Variants in CTNNA3 observed in about 807,000 individuals in gnomAD.
CTNNA3 encodes the protein catenin alpha-3.
In CTNNA3, 76 loss-of-function variants were observed where a neutral mutation model predicts 95.7. The observed-to-expected ratio is 0.79, with a 90% CI of 0.66 to 0.96. CTNNA3 has a LOEUF of 0.96. Among genes scored for constraint, CTNNA3 ranks in the 40% least tolerant of loss-of-function variants. The pLI is 0.00. For synonymous variants in CTNNA3, 431 were observed against 374.4 expected (o/e 1.15, Z -1.74); for missense variants, 1,191 against 1,089.8 (o/e 1.09, Z -1.31).
intron 9 of CTNNA3, among the ~76,000 whole-genome samples, chr10:66,698,969 G>A (rs1170275216): frequency 6.6e-6 from 1 of 152,152 alleles, no homozygotes; most frequent in Non-Finnish European, 1.5e-5. Context: ...CAAATAAAAA[G>A]TAACAAGACT....
chr10:67,043,918 A>C lies in CTNNA3; in HGVS notation c.1047+136399T>G, dbSNP rs911460113. On this transcript the variant is annotated intron_variant, in intron 7 of 17. Transcript: ENST00000433211. ...AATTGGAGAATTTTAATGCAAAAATAATCTCTTTAAAAAAACTTTCAAAAA... is the reference window on the plus strand; with the variant it reads ...AATTGGAGAATTTTAATGCAAAAATCATCTCTTTAAAAAAACTTTCAAAAA... Among the ~76,000 whole-genome samples, 13 of 151,732 alleles carry C rather than the reference A, an allele frequency of 8.6e-5. 1 individual carries two copies. Among genetic ancestry groups the C allele is most frequent in the Admixed American group, 3.3e-4 (5 of 15,176 alleles).
chr10:67,731,630 G>A lies in CTNNA3; in HGVS notation c.-2+31804C>T, dbSNP rs1210074481. ...ATCCTGGCTAACACGGTGAAACCCC[G>A]TCTCTACTAAAAATACAAAAAGTTA... On this transcript the variant is annotated intron_variant, in intron 1 of 17. Transcript: ENST00000684154. Among the ~76,000 whole-genome samples the A allele has an allele frequency of 3.3e-5, 5 of 151,726 alleles. No homozygotes were observed. In the East Asian group the frequency reaches 7.9e-4, roughly 24 times the overall value.
intron 7 of CTNNA3, among the ~76,000 whole-genome samples, chr10:66,943,071 T>C (rs1249300374): frequency 6.6e-6 from 1 of 152,180 alleles, no homozygotes; most frequent in Non-Finnish European, 1.5e-5. Flanking sequence ...ACTGAGTTAA[T>C]TGACTGGCTT....
At chr10:66,445,211 A>G (rs2093410125) in intron 11 of CTNNA3, among the ~76,000 whole-genome samples, 1 of 151,962 alleles carries the variant, frequency 6.6e-6, no homozygotes, top group South Asian at 2.1e-4. Context: ...AGACTCCCAC[A>G]CAATAATAAT....
At chr10:67,705,094 G>T (rs1391458717) in intron 1 of CTNNA3, among the ~76,000 whole-genome samples, 3 of 152,148 alleles carry the variant, frequency 2.0e-5, no homozygotes, top group Non-Finnish European at 4.4e-5. Flanking sequence ...TCTCACACCA[G>T]TTAGAATGGT....
At chr10:67,267,204 C>T (rs1012407690) in intron 5 of CTNNA3, among the ~76,000 whole-genome samples, 2 of 152,072 alleles carry the variant, frequency 1.3e-5, no homozygotes, top group Non-Finnish European at 2.9e-5. Context: ...CAAACTGTAG[C>T]CATTTTACAC....
At chr10:65,990,359 G>T (rs1476884636) in intron 15 of CTNNA3, among the ~76,000 whole-genome samples, 1 of 149,176 alleles carries the variant, frequency 6.7e-6, no homozygotes, top group East Asian at 2.0e-4. Flanking sequence ...GTGTATAAGA[G>T]TTCCCTTTTC....
chr10:67,340,197 A>G (rs1271983280), intron 5 of CTNNA3, among the ~76,000 whole-genome samples: 2 of 152,166 alleles, frequency 1.3e-5, no homozygotes, highest in African/African-American at 4.8e-5. Flanking sequence ...AGGAGGAGGG[A>G]TTTATAAGTT....
At chr10:66,554,027 CCA>C (rs1842316241) in intron 10 of CTNNA3, among the ~76,000 whole-genome samples, 2 of 151,740 alleles carry the variant, frequency 1.3e-5, no homozygotes, top group Non-Finnish European at 2.9e-5. Context: ...CATTTTTTTC[CCA>C]CACAGAGTCA....
chr10:66,817,398 A>G (rs1028449785), intron 7 of CTNNA3, among the ~76,000 whole-genome samples: 1 of 152,062 alleles, frequency 6.6e-6, no homozygotes, highest in Non-Finnish European at 1.5e-5. Flanking sequence ...AAAAGATAAC[A>G]AAATTGACAA....
At chr10:67,174,490 A>G (rs1329082526) in intron 7 of CTNNA3, among the ~76,000 whole-genome samples, 2 of 152,220 alleles carry the variant, frequency 1.3e-5, no homozygotes, top group Admixed American at 1.3e-4. Context: ...ACAGTCATCT[A>G]TGGAATTAAG....
chr10:66,335,386 G>A (rs969518822), intron 12 of CTNNA3, among the ~76,000 whole-genome samples: 3 of 151,956 alleles, frequency 2.0e-5, no homozygotes, highest in Non-Finnish European at 4.4e-5. Context: ...CTTTGATGAT[G>A]GTGACGTACA....
At chr10:67,139,827 G>T (rs1287848987) in intron 7 of CTNNA3, among the ~76,000 whole-genome samples, 2 of 152,124 alleles carry the variant, frequency 1.3e-5, no homozygotes, top group Non-Finnish European at 2.9e-5. Flanking sequence ...TATCATTATG[G>T]TACAGAATTT....
intron 15 of CTNNA3, among the ~76,000 whole-genome samples, chr10:66,044,420 T>C (rs887922553): frequency 2.0e-5 from 3 of 149,160 alleles, no homozygotes; most frequent in Non-Finnish European, 4.5e-5. Context: ...TTGTTTATCT[T>C]GATTTTTTTT....
At chr10:66,107,740 C>A (rs117946280) in intron 13 of CTNNA3, among the ~76,000 whole-genome samples, 1 of 151,304 alleles carries the variant, frequency 6.6e-6, no homozygotes, top group Non-Finnish European at 1.5e-5. Context: ...AATTCACTTG[C>A]GCAGACTTTA....
chr10:66,373,256 C>A (rs116354647), intron 12 of CTNNA3, among the ~76,000 whole-genome samples: 1,591 of 152,146 alleles, frequency 0.01, 17 homozygotes, highest in African/African-American at 0.034. Context: ...CTTAAAATGG[C>A]AAGATAAGAA....
At chr10:66,618,249 C>A (rs1386503092) in intron 10 of CTNNA3, among the ~76,000 whole-genome samples, 1 of 151,752 alleles carries the variant, frequency 6.6e-6, no homozygotes, top group East Asian at 1.9e-4. Context: ...GCCCGCATCG[C>A]CAAGTCAATC....
intron 13 of CTNNA3, among the ~76,000 whole-genome samples, chr10:66,259,628 C>G (rs1191949144): frequency 1.3e-5 from 2 of 152,126 alleles, no homozygotes; most frequent in Non-Finnish European, 1.5e-5. Context: ...ACCCTAGATA[C>G]CTAGCTCCAG....
At chr10:66,980,569 C>T (rs1056094018) in intron 7 of CTNNA3, among the ~76,000 whole-genome samples, 1 of 140,492 alleles carries the variant, frequency 7.1e-6, no homozygotes, top group African/African-American at 2.7e-5. Flanking sequence ...CCTTCCTACC[C>T]ACCTGTGATT....
Sources: gnomAD v4.1 joint callset for allele counts (sites outside exome capture counted in the v4.1 genomes callset) on GRCh38, gnomAD v4.1.1 for gene constraint, MANE v1.5 for transcripts, NCBI Gene and HGNC (gene_info 2026-07-23, HGNC 2026-07-21) for gene names.